EME2: variants seen among roughly 807,000 people sequenced by gnomAD.
EME2 encodes essential meiotic structure-specific endonuclease subunit 2, also known as structure-specific endonuclease subunit EME2.
In EME2, 58 loss-of-function variants were observed where a neutral mutation model predicts 41.9. The observed-to-expected ratio is 1.38, with a 90% CI of 1.12 to 1.72. The LOEUF (loss-of-function observed/expected upper bound fraction) is 1.72, where lower values mean the gene tolerates loss of function less well. Ranked by LOEUF, EME2 falls within the 40% of genes most tolerant of loss-of-function variation. The pLI, the probability that EME2 is intolerant of heterozygous loss-of-function variation, is 0.00. For missense variants in EME2, 695 were observed against 541.9 expected, an observed-to-expected ratio of 1.28 and a Z score of -2.81; for synonymous variants, 334 against 239.3, an observed-to-expected ratio of 1.40 and a Z score of -3.65.
Position 1,777,181 on chromosome 16 carries a change from C to T in EME2, c.*943C>T, listed in dbSNP as rs771805291. Reference sequence around the variant, plus strand: ...CGGAGGTCGCTGCCTGGGGATCGGACACTGGAGCCTTGCGGCGGCTGCAAC... The same window carrying T: ...CGGAGGTCGCTGCCTGGGGATCGGATACTGGAGCCTTGCGGCGGCTGCAAC... On this transcript the variant is annotated 3_prime_UTR_variant, in exon 8 of 8. Coordinates refer to ENST00000568449, the MANE Select transcript of EME2 (RefSeq NM_001257370.2). The T allele has an allele frequency of 6.2e-7, 1 of 1,610,840 alleles. No homozygotes were observed. The highest frequency in any genetic ancestry group is 1.7e-5 in the Admixed American group (1 of 59,990).
chr16:1,773,715 A>G lies in EME2; in HGVS notation c.258A>G (p.Glu86=), dbSNP rs747546404. The G allele has an allele frequency of 5.0e-5, 77 of 1,548,796 alleles. 1 individual carries two copies. The South Asian group carries it at 8.7e-4, about 17-fold the overall frequency. ...CTCCCCCGGTCCCAGCCATCCTGGA[A>G]GACGCCGGTGCCGACGTCCTGATGG... ...LAVCVDTAIL[E]DAGADVLMEA... Residue 86 remains glutamate, a synonymous_variant, in exon 2 of 8, where the codon GAA becomes GAG. Coordinates refer to ENST00000568449, the MANE Select transcript of EME2 (RefSeq NM_001257370.2).
chr16:1,778,513 G>A lies in EME2; in HGVS notation c.*2275G>A. Reference sequence around the variant, plus strand: ...CTGCTACAGAAGGAGGCCTCGCTCTGCCCAGCACAGTCACAGAAGGACTCG... The same window carrying A: ...CTGCTACAGAAGGAGGCCTCGCTCTACCCAGCACAGTCACAGAAGGACTCG... On this transcript the variant is annotated 3_prime_UTR_variant, in exon 8 of 8. Coordinates refer to ENST00000568449, the MANE Select transcript of EME2 (RefSeq NM_001257370.2). The A allele has an allele frequency of 6.2e-7, 1 of 1,611,896 alleles. No homozygotes were observed. Among genetic ancestry groups the A allele is most frequent in the Non-Finnish European group, 8.5e-7 (1 of 1,179,472 alleles).
chr16:1,781,118 G>A lies in EME2; in HGVS notation c.*4880G>A, dbSNP rs887826120. 14 of 1,447,644 alleles carry A rather than the reference G, an allele frequency of 9.7e-6. No individual in the cohort carries two copies. Among genetic ancestry groups the A allele is most frequent in the African/African-American group, 7.0e-5 (5 of 71,356 alleles). The allele number at this position is 1,447,644 out of a possible 1,614,324, so 89.7% of individuals were successfully genotyped here. A position where few individuals can be genotyped will look rare whatever the true frequency, so the allele number is the denominator to read the frequency against. ...TGTGTTTCAGAGGAGAAAGCACAGT[G>A]AAGAATGCAGTGTGTTCTGAGGTCC... On this transcript the variant is annotated 3_prime_UTR_variant, in exon 8 of 8. Transcript: ENST00000568449.
Position 1,781,421 on chromosome 16 carries a change from G to T in EME2, c.*5183G>T. 1 of 1,612,818 alleles carries T rather than the reference G, an allele frequency of 6.2e-7. No individual in the cohort carries two copies. The highest frequency in any genetic ancestry group is 8.5e-7 in the Non-Finnish European group (1 of 1,179,990). On this transcript the variant is annotated 3_prime_UTR_variant, in exon 8 of 8. Coordinates refer to ENST00000568449, the MANE Select transcript of EME2 (RefSeq NM_001257370.2). ...CTAGAGCCACGGCCCGGGCATCTGC[G>T]TCTCGGCGGGCTGCACTCAGGACGA...
intron 2 of EME2, 43 bp downstream of exon 2, chr16:1,773,884 G>A (rs2042670096): frequency 4.0e-6 from 6 of 1,505,234 alleles, no homozygotes; most frequent in South Asian, 3.9e-5. Context: ...CGAGTTGGCT[G>A]TTTTGCTTCC....
rs562209664 is a variant in EME2, at chr16:1,774,747, C to T, written c.478-294C>T. On this transcript the variant is annotated intron_variant, in intron 3 of 7. Transcript: ENST00000568449. ...TGTCCCAGGATCAGTGTCTCTCAAG[C>T]TGCTGCTTTGTGCTAGGTCAAAGCT... is the stretch of plus-strand genomic sequence containing the variant. Among the ~76,000 whole-genome samples, 215 of 152,372 alleles carry T rather than the reference C, an allele frequency of 1.4e-3. 1 individual carries two copies. Among genetic ancestry groups the T allele is most frequent in the Non-Finnish European group, 2.4e-3 (163 of 68,038 alleles).
In EME2 at chr16:1,773,417, T is replaced by C; in HGVS notation, c.190T>C (p.Leu64=). The C allele has an allele frequency of 5.7e-6, 9 of 1,566,828 alleles. No homozygotes were observed. The highest frequency in any genetic ancestry group is 7.7e-6 in the Non-Finnish European group (9 of 1,165,924). ...TGAGCGCAGGGCGGCTGCCGAGGCG[T>C]TGCGGCTGCTGCGGCCGGAGCAGGT... ...AGERRAAAEA[L]RLLRPEQVLK... is the part of the protein sequence containing the mutation. Residue 64 remains leucine (L), a synonymous_variant, in exon 1 of 8, where the codon TTG becomes CTG. Transcript: ENST00000568449.
Position 1,777,131 on chromosome 16 carries a change from C to G in EME2, c.*893C>G. The G allele has an allele frequency of 1.9e-6, 3 of 1,611,546 alleles. No individual in the cohort carries two copies. The highest frequency in any genetic ancestry group is 1.3e-5 in the African/African-American group (1 of 75,018). ...GCGGCAGCGCTTCCTCTGGCAGGGC[C>G]GAGGCTCGCGACTGCTGGGGTGGGC... On this transcript the variant is annotated 3_prime_UTR_variant, in exon 8 of 8. Coordinates refer to ENST00000568449, the MANE Select transcript of EME2 (RefSeq NM_001257370.2).
At position 1,773,092 on chromosome 16, in the gene EME2, G is replaced by C. The variant is rs755456304; in HGVS notation, c.-136G>C. ...ACGCGGCGGGCCAGCTCCGCGATCA[G>C]CCGCGGACGCACCTTCTTCCGCGCC... is the stretch of plus-strand genomic sequence containing the variant. On this transcript the variant is annotated 5_prime_UTR_variant, in exon 1 of 8. Transcript: ENST00000568449. 6.4e-6 allele frequency: 9 copies of C among 1,405,142 alleles called. No individual in the cohort carries two copies. The African/African-American group carries it at 1.2e-4, about 19-fold the overall frequency. 87.0% of individuals were successfully genotyped at this position (1,405,142 alleles called of 1,614,324 possible). A position where few individuals can be genotyped will look rare whatever the true frequency, so the allele number is the denominator to read the frequency against.
Position 1,777,678 on chromosome 16 carries a change from G to T in EME2, c.*1440G>T, listed in dbSNP as rs1168695329. 1.9e-6 allele frequency: 3 copies of T among 1,591,622 alleles called. No individual in the cohort carries two copies. Among genetic ancestry groups the T allele is most frequent in the East Asian group, 4.5e-5 (2 of 44,572 alleles). ...TTCAGAAAACCTCAGTGTCCCCTGG[G>T]CTGGGGCGGGGTGGCTGCCTCCCTC... is the stretch of plus-strand genomic sequence containing the variant. On this transcript the variant is annotated 3_prime_UTR_variant, in exon 8 of 8. Transcript: ENST00000568449.
chr16:1,774,332 G>T lies in EME2; in HGVS notation c.457G>T (p.Gly153Cys), dbSNP rs1346966435. ...LLLEPEEFLQGVATLTQISGP... is the reference protein window; with the variant it reads ...LLLEPEEFLQCVATLTQISGP... ...GCTGGAGCCCGAGGAGTTTCTGCAGGGCGTCGCCACACTGACCCAGGTGCT... is the reference window on the plus strand; with the variant it reads ...GCTGGAGCCCGAGGAGTTTCTGCAGTGCGTCGCCACACTGACCCAGGTGCT... The change falls in exon 3 of 8, where the codon GGC becomes TGC. Residue 153 changes from glycine (G) to cysteine (C), a missense_variant. By Grantham distance (159) the Gly-to-Cys change is radical. Coordinates refer to ENST00000568449, the MANE Select transcript of EME2 (RefSeq NM_001257370.2). The T allele has an allele frequency of 1.2e-6, 2 of 1,612,778 alleles. No individual in the cohort carries two copies. Among genetic ancestry groups the T allele is most frequent in the Admixed American group, 1.7e-5 (1 of 60,018 alleles).
At position 1,777,083 on chromosome 16, in the gene EME2, C is replaced by T; in HGVS notation, c.*845C>T. On this transcript the variant is annotated 3_prime_UTR_variant, in exon 8 of 8. Transcript: ENST00000568449. ...CTGTCCCAGCCCAAGAAGGCAGTTCCACTGGGAAGTCAGTCAGGTCCGGCG... is the reference window on the plus strand; with the variant it reads ...CTGTCCCAGCCCAAGAAGGCAGTTCTACTGGGAAGTCAGTCAGGTCCGGCG... The T allele has an allele frequency of 1.9e-6, 3 of 1,607,774 alleles. No homozygotes were observed. Among genetic ancestry groups the T allele is most frequent in the Non-Finnish European group, 2.5e-6 (3 of 1,176,878 alleles).
In EME2 at chr16:1,775,905, G is replaced by C; in HGVS notation, c.888G>C (p.Gln296His). Residue 296 changes from glutamine to histidine, a missense_variant, in exon 7 of 8, where the codon CAG becomes CAC. Physicochemically the swap from Gln to His is conservative, Grantham distance 24. Transcript: ENST00000568449. ...GGCTGCAGGCGGCCTGGCGGAGGCAGATCAGGCAGTTCAGTCGGGTCAGCC... is the reference window on the plus strand; with the variant it reads ...GGCTGCAGGCGGCCTGGCGGAGGCACATCAGGCAGTTCAGTCGGGTCAGCC... ...GAGLQAAWRR[Q>H]IRQFSRVSPA... The C allele has an allele frequency of 6.2e-7, 1 of 1,612,432 alleles. No homozygotes were observed.
rs1314184454 is a variant in EME2, at chr16:1,776,829, C to T, written c.*591C>T. ...AACCGAGGCCCTGTGGGAACAGCAA[C>T]GCGGGCTCCAGCCAGGCTCTCGTCC... On this transcript the variant is annotated 3_prime_UTR_variant, in exon 8 of 8. Transcript: ENST00000568449. The T allele has an allele frequency of 5.7e-6, 3 of 528,634 alleles. No homozygotes were observed. Among genetic ancestry groups the T allele is most frequent in the Non-Finnish European group, 1.0e-5 (3 of 298,970 alleles). 32.7% of individuals were successfully genotyped at this position (528,634 alleles called of 1,614,324 possible). A position where few individuals can be genotyped will look rare whatever the true frequency, so the allele number is the denominator to read the frequency against.
At position 1,777,523 on chromosome 16, in the gene EME2, C is replaced by T; in HGVS notation, c.*1285C>T. Reference sequence around the variant, plus strand: ...GCGCAGCCCCTCAGACCTCACGCTACAGTCACCCGGGTGGGCAGCTGGCAC... The same window carrying T: ...GCGCAGCCCCTCAGACCTCACGCTATAGTCACCCGGGTGGGCAGCTGGCAC... On this transcript the variant is annotated 3_prime_UTR_variant, in exon 8 of 8. Coordinates refer to ENST00000568449, the MANE Select transcript of EME2 (RefSeq NM_001257370.2). The T allele has an allele frequency of 7.1e-7, 1 of 1,403,336 alleles. No individual in the cohort carries two copies. Among genetic ancestry groups the T allele is most frequent in the Admixed American group, 2.7e-5 (1 of 37,268 alleles). 86.9% of individuals were successfully genotyped at this position (1,403,336 alleles called of 1,614,324 possible).
chr16:1,777,773 G>T lies in EME2; in HGVS notation c.*1535G>T. ...TATACACTTCCTGTTCTTGAAAAAGGTGAGTGTGCCGTGCCAGGTGTCCAG... is the reference window on the plus strand; with the variant it reads ...TATACACTTCCTGTTCTTGAAAAAGTTGAGTGTGCCGTGCCAGGTGTCCAG... On this transcript the variant is annotated 3_prime_UTR_variant, in exon 8 of 8. Transcript: ENST00000568449. 1 of 1,612,778 alleles carries T rather than the reference G, an allele frequency of 6.2e-7. No homozygotes were observed. Among genetic ancestry groups the T allele is most frequent in the Non-Finnish European group, 8.5e-7 (1 of 1,179,926 alleles).
chr16:1,777,202 G>A lies in EME2; in HGVS notation c.*964G>A, dbSNP rs143970471. ...CGGACACTGGAGCCTTGCGGCGGCTGCAACTCATGCTCAGGACCCAGCCCA... is the reference window on the plus strand; with the variant it reads ...CGGACACTGGAGCCTTGCGGCGGCTACAACTCATGCTCAGGACCCAGCCCA... On this transcript the variant is annotated 3_prime_UTR_variant, in exon 8 of 8. Transcript: ENST00000568449. 17 of 1,610,266 alleles carry A rather than the reference G, an allele frequency of 1.1e-5. No homozygotes were observed. In the African/African-American group the frequency reaches 2.0e-4, roughly 19 times the overall value.
Position 1,777,944 on chromosome 16 carries a change from A to T in EME2, c.*1706A>T. On this transcript the variant is annotated 3_prime_UTR_variant, in exon 8 of 8. Transcript: ENST00000568449. ...CCCCGCCCCACCCTGGGCCTCACGC[A>T]CCCGTGTAGGAGAGGCCCCAGCTGT... 6.2e-7 allele frequency: 1 copy of T among 1,612,432 alleles called. No individual in the cohort carries two copies. The highest frequency in any genetic ancestry group is 8.5e-7 in the Non-Finnish European group (1 of 1,179,846).
intron 5 of EME2, 77 bp from the exon 6 acceptor site, chr16:1,775,492 T>A: frequency 6.3e-7 from 1 of 1,595,088 alleles, no homozygotes; most frequent in Non-Finnish European, 8.6e-7. Flanking sequence ...CCCAGCGTGG[T>A]ACATGGGGCA....
Sources: gnomAD v4.1 joint callset for allele counts (sites outside exome capture counted in the v4.1 genomes callset) on GRCh38, gnomAD v4.1.1 for gene constraint, MANE v1.5 for transcripts, NCBI Gene and HGNC (gene_info 2026-07-23, HGNC 2026-07-21) for gene names.